The following FOXP1 variants were observed in gnomAD, a reference collection of about 807,000 sequenced individuals.
FOXP1 encodes the protein forkhead box protein P1.
A neutral mutation model predicts 98.2 loss-of-function variants in FOXP1; 15 were observed. The observed-to-expected ratio is 0.15, with a 90% CI of 0.10 to 0.24. The LOEUF (loss-of-function observed/expected upper bound fraction) is 0.24. Among genes scored for constraint, FOXP1 ranks in the 10% least tolerant of loss-of-function variants. The probability of loss-of-function intolerance (pLI) is 1.00; values close to 1 mark genes in which losing one functional copy is unlikely to be tolerated. For synonymous variants in FOXP1, 371 were observed against 314.5 expected, an observed-to-expected ratio of 1.18 and a Z score of -1.90; for missense variants, 633 against 848.5, an observed-to-expected ratio of 0.75 and a Z score of 3.15.
chr3:71,388,126 A>T (rs192077677), intron 3 of FOXP1, among the ~76,000 whole-genome samples: 1 of 152,280 alleles, frequency 6.6e-6, no homozygotes, highest in African/African-American at 2.4e-5. Flanking sequence ...GACTCATCGT[A>T]AATCATTTCC....
At chr3:71,335,856 T>A (rs577752294) in intron 4 of FOXP1, among the ~76,000 whole-genome samples, 1 of 151,732 alleles carries the variant, frequency 6.6e-6, no homozygotes, top group African/African-American at 2.4e-5. Context: ...AATACAAAAA[T>A]TAGCTGGACT....
chr3:71,054,420 T>C (rs901804973), intron 7 of FOXP1, among the ~76,000 whole-genome samples: 2 of 152,354 alleles, frequency 1.3e-5, no homozygotes, highest in Middle Eastern at 3.4e-3. Flanking sequence ...AGTGATGAAC[T>C]TGATAGCATT....
chr3:71,033,367 A>T (rs1026726346), intron 11 of FOXP1, among the ~76,000 whole-genome samples: 12 of 152,176 alleles, frequency 7.9e-5, no homozygotes, highest in Non-Finnish European at 1.3e-4. Context: ...CCTAATAAAA[A>T]AATTCAAATC....
At chr3:71,266,564 T>C (rs752608908) in intron 5 of FOXP1, among the ~76,000 whole-genome samples, 2 of 152,150 alleles carry the variant, frequency 1.3e-5, no homozygotes, top group Non-Finnish European at 2.9e-5. Context: ...CAACTTTTGC[T>C]TATTTTTATT....
At chr3:71,572,383 C>T (rs1187058626) in intron 2 of FOXP1, 1 of 152,154 alleles carries the variant, frequency 6.6e-6, no homozygotes, top group Admixed American at 6.5e-5. Flanking sequence ...GTACAGAGTG[C>T]TACTGGGTTT....
At chr3:71,140,613 C>T (rs2060021255) in intron 6 of FOXP1, among the ~76,000 whole-genome samples, 1 of 152,178 alleles carries the variant, frequency 6.6e-6, no homozygotes, top group Non-Finnish European at 1.5e-5. Flanking sequence ...CTTCCAATGA[C>T]TTTTCAAGGT....
At chr3:71,570,602 A>T (rs1213830402) in intron 2 of FOXP1, 4 of 152,264 alleles carry the variant, frequency 2.6e-5, no homozygotes, top group African/African-American at 9.6e-5. Flanking sequence ...AGAGGGATCC[A>T]GCATAATTAA....
chr3:71,198,981 G>A (rs1028343025), intron 5 of FOXP1, among the ~76,000 whole-genome samples: 7 of 151,996 alleles, frequency 4.6e-5, no homozygotes, highest in Non-Finnish European at 7.4e-5. Flanking sequence ...CAGCCACTGC[G>A]CCGGGCCCAA....
intron 12 of FOXP1, among the ~76,000 whole-genome samples, chr3:71,004,951 A>C (rs1005037962): frequency 1.3e-5 from 2 of 152,050 alleles, no homozygotes; most frequent in Non-Finnish European, 2.9e-5. Context: ...AGCCCAGTGA[A>C]ATGCTGTTGA....
At chr3:71,287,967 G>T (rs1236360026) in intron 5 of FOXP1, among the ~76,000 whole-genome samples, 1 of 151,660 alleles carries the variant, frequency 6.6e-6, no homozygotes, top group East Asian at 2.0e-4. Context: ...CGCAACCTCT[G>T]CCTCCCGGGT....
upstream of FOXP1, chr3:71,583,813 C>CGGCGGCGGCGGCAGAGGCGCG: frequency 1.0e-6 from 1 of 987,092 alleles, no homozygotes; most frequent in Non-Finnish European, 1.2e-6. Context: ...CCGGTGGCGG[C>CGGCGGCGGCGGCAGAGGCGCG]GGCGGCGGCG....
rs1384618466 is a variant in FOXP1, at chr3:71,286,302, T to TCCCCCGCCA, written c.-12+13509_-12+13517dup. Among the ~76,000 whole-genome samples the TCCCCCGCCA allele has an allele frequency of 8.5e-3, 1,203 of 142,216 alleles. 12 individuals carry two copies. The highest frequency in any genetic ancestry group is 0.031 in the African/African-American group (1,128 of 36,534). 93.3% of individuals were successfully genotyped at this position (142,216 alleles called of 152,430 possible). A position where few individuals can be genotyped will look rare whatever the true frequency, so the allele number is the denominator to read the frequency against. On this transcript the variant is annotated intron_variant, in intron 5 of 20. Coordinates refer to ENST00000649528, the MANE Select transcript of FOXP1 (RefSeq NM_001349338.3). ...GGGATATCTACCACCATGTAGAGTGTCCCCCGCCACCCCCGCCCCGCCCGC... is the reference window on the plus strand; with the variant it reads ...GGGATATCTACCACCATGTAGAGTGTCCCCCGCCACCCCCGCCACCCCCGCCCCGCCCGC...
chr3:71,577,470 G>T (rs976983798), intron 2 of FOXP1, among the ~76,000 whole-genome samples: 1 of 151,540 alleles, frequency 6.6e-6, no homozygotes, highest in Non-Finnish European at 1.5e-5. Flanking sequence ...AAACTATCAT[G>T]CAGAAGATAC....
intron 5 of FOXP1, among the ~76,000 whole-genome samples, chr3:71,224,548 G>A (rs1346036801): frequency 1.3e-5 from 2 of 152,178 alleles, no homozygotes; most frequent in African/African-American, 2.4e-5. Context: ...GTGATCAAAC[G>A]GAGGACTGGA....
intron 4 of FOXP1, among the ~76,000 whole-genome samples, chr3:71,314,148 G>A (rs558878524): frequency 2.6e-5 from 4 of 152,312 alleles, no homozygotes; most frequent in South Asian, 4.1e-4. Context: ...AAGAAATGAT[G>A]GCTGCCGTTA....
At chr3:71,390,737 G>A (rs1432863594) in intron 3 of FOXP1, among the ~76,000 whole-genome samples, 2 of 152,184 alleles carry the variant, frequency 1.3e-5, no homozygotes, top group South Asian at 2.1e-4. Context: ...TTGCAGACGT[G>A]GCCCAAGTTA....
At chr3:71,364,079 C>T (rs895104591) in intron 3 of FOXP1, among the ~76,000 whole-genome samples, 6 of 152,128 alleles carry the variant, frequency 3.9e-5, no homozygotes, top group South Asian at 4.1e-4. Context: ...GTTAAGCTCC[C>T]GAGCAGCTGG....
intron 2 of FOXP1, among the ~76,000 whole-genome samples, chr3:71,566,933 C>T (rs535108742): frequency 1.1e-4 from 16 of 152,178 alleles, no homozygotes; most frequent in African/African-American, 3.4e-4. Context: ...TCTCCCTGGG[C>T]TCTCAGAATC....
intron 7 of FOXP1, among the ~76,000 whole-genome samples, chr3:71,078,100 G>C (rs2054011828): frequency 6.6e-6 from 1 of 151,998 alleles, no homozygotes; most frequent in South Asian, 2.1e-4. Context: ...CCAAAGTGCT[G>C]GGATTACAGG....
Sources: gnomAD v4.1 joint callset for allele counts (sites outside exome capture counted in the v4.1 genomes callset) on GRCh38, gnomAD v4.1.1 for gene constraint, MANE v1.5 for transcripts, NCBI Gene and HGNC (gene_info 2026-07-23, HGNC 2026-07-21) for gene names.